The following EYS variants were observed in gnomAD, a reference collection of about 807,000 sequenced individuals.
EYS encodes the protein EGF-like photoreceptor maintenance factor.
Under a neutral mutation model 282.1 loss-of-function variants are expected in EYS, and 250 were observed. The ratio of observed to expected loss-of-function variants is 0.89; its 90% confidence interval spans 0.80 to 0.98. The LOEUF (loss-of-function observed/expected upper bound fraction) is 0.98. EYS is among the 50% of genes least tolerant of loss of function. The probability of loss-of-function intolerance (pLI) is 0.00; values close to 1 mark genes in which losing one functional copy is unlikely to be tolerated. For synonymous variants in EYS, 1,355 were observed against 1,282.9 expected (o/e 1.06, Z -1.20); for missense variants, 4,016 against 3,709.0 (o/e 1.08, Z -2.15).
At chr6:65,453,990 G>T (rs1275565459) in intron 5 of EYS, among the ~76,000 whole-genome samples, 2 of 151,558 alleles carry the variant, frequency 1.3e-5, no homozygotes, top group Non-Finnish European at 2.9e-5. Flanking sequence ...TAATAAGTAT[G>T]AAAGTGCAGA....
intron 12 of EYS, among the ~76,000 whole-genome samples, chr6:65,119,040 A>C (rs1775455308): frequency 6.6e-6 from 1 of 152,176 alleles, no homozygotes; most frequent in Non-Finnish European, 1.5e-5. Flanking sequence ...AAGCAAAAGG[A>C]ATAATGGAAA....
intron 26 of EYS, among the ~76,000 whole-genome samples, chr6:64,496,361 A>G (rs1776889832): frequency 1.6e-5 from 2 of 126,692 alleles, no homozygotes; most frequent in Admixed American, 1.5e-4. Context: ...CTTGACTTTC[A>G]TTTAGTTGTC....
At chr6:65,396,443 C>A (rs77472534) in intron 7 of EYS, among the ~76,000 whole-genome samples, 1 of 152,094 alleles carries the variant, frequency 6.6e-6, no homozygotes, top group Admixed American at 6.6e-5. Context: ...TGTCTGTCAT[C>A]CCCATCATAC....
chr6:63,986,466 C>A (rs149475247), intron 34 of EYS, among the ~76,000 whole-genome samples: 1 of 151,602 alleles, frequency 6.6e-6, no homozygotes, highest in Non-Finnish European at 1.5e-5. Context: ...TAAAGACACA[C>A]GCACCTGAAT....
intron 22 of EYS, among the ~76,000 whole-genome samples, chr6:64,710,868 C>A (rs1342458929): frequency 6.6e-6 from 1 of 152,168 alleles, no homozygotes. Flanking sequence ...ATGGTCAGGA[C>A]AACTTATTTT....
chr6:64,519,018 A>G (rs1167330616), intron 26 of EYS, among the ~76,000 whole-genome samples: 1 of 151,814 alleles, frequency 6.6e-6, no homozygotes, highest in African/African-American at 2.4e-5. Flanking sequence ...GGAGAAAATA[A>G]AACCAGAAGC....
intron 29 of EYS, among the ~76,000 whole-genome samples, chr6:64,372,185 C>CTTTTTTTTTTT (rs1772402893): frequency 8.2e-6 from 1 of 122,176 alleles, no homozygotes; most frequent in South Asian, 2.5e-4. Flanking sequence ...TGGTCTTTTC[C>CTTTTTTTTTTT]TTTCCATATT....
chr6:64,597,073 T>C (rs981025441), intron 24 of EYS, among the ~76,000 whole-genome samples: 4 of 152,078 alleles, frequency 2.6e-5, no homozygotes, highest in African/African-American at 9.7e-5. Flanking sequence ...GGCATTTTTT[T>C]CAAAAGAAGA....
chr6:63,795,042 G>A (rs952049348), intron 37 of EYS, among the ~76,000 whole-genome samples: 2 of 152,146 alleles, frequency 1.3e-5, no homozygotes, highest in East Asian at 3.8e-4. Context: ...CAAGATCTGG[G>A]AAGTGAATAA....
intron 30 of EYS, among the ~76,000 whole-genome samples, chr6:64,277,957 T>A (rs1218734684): frequency 6.6e-6 from 1 of 152,170 alleles, no homozygotes; most frequent in African/African-American, 2.4e-5. Context: ...AGAAATCATA[T>A]AATTTAAAAT....
At chr6:65,004,606 C>T (rs1280708856) in intron 13 of EYS, among the ~76,000 whole-genome samples, 1 of 147,742 alleles carries the variant, frequency 6.8e-6, no homozygotes, top group African/African-American at 2.4e-5. Context: ...CAGCTCCATT[C>T]TCACAAGAAT....
chr6:64,685,562 C>T (rs1770064671), intron 22 of EYS, among the ~76,000 whole-genome samples: 2 of 152,154 alleles, frequency 1.3e-5, no homozygotes, highest in African/African-American at 4.8e-5. Flanking sequence ...CTCTCTCTTG[C>T]TTCCTCTCTT....
chr6:65,505,164 A>G (rs1238905161), intron 2 of EYS, among the ~76,000 whole-genome samples: 1 of 151,858 alleles, frequency 6.6e-6, no homozygotes. Context: ...TGTCTATTTT[A>G]TCAACATTTT....
In EYS at chr6:63,720,987, T is replaced by TTATA. The variant is rs1463096695; in HGVS notation, c.9043_9044insTATA (p.Asn3015IlefsTer2). 1 of 1,551,340 alleles carries TTATA rather than the reference T, an allele frequency of 6.4e-7. No homozygotes were observed. The highest frequency in any genetic ancestry group is 2.4e-5 in the East Asian group (1 of 40,896). On this transcript the variant is annotated stop_gained and frameshift_variant, in exon 43 of 43. Coordinates refer to ENST00000503581, the MANE Select transcript of EYS (RefSeq NM_001142800.2). LOFTEE classifies it high-confidence loss of function. ...GTTAACTGCTATTTTCAAGGTCTGA[T>TTATA]TATGGAGACCAATTGCCAGAAAATC...
chr6:64,098,884 T>A (rs1772729181), intron 31 of EYS, among the ~76,000 whole-genome samples: 1 of 152,180 alleles, frequency 6.6e-6, no homozygotes, highest in South Asian at 2.1e-4. Flanking sequence ...ATTACAAGCA[T>A]GAGCCACTGC....
chr6:63,988,156 C>T (rs1767451626), intron 34 of EYS, among the ~76,000 whole-genome samples: 1 of 151,620 alleles, frequency 6.6e-6, no homozygotes, highest in South Asian at 2.1e-4. Flanking sequence ...ATTCTACAAA[C>T]TATTAGCAGA....
At chr6:64,170,672 C>A (rs767263267) in intron 31 of EYS, among the ~76,000 whole-genome samples, 3 of 150,488 alleles carry the variant, frequency 2.0e-5, no homozygotes, top group African/African-American at 2.5e-5. Context: ...ATTATCTACA[C>A]TTTCTTACAT....
At chr6:65,157,825 C>A (rs1043668163) in intron 12 of EYS, among the ~76,000 whole-genome samples, 35 of 150,208 alleles carry the variant, frequency 2.3e-4, no homozygotes, top group African/African-American at 8.2e-4. Flanking sequence ...AACATGTTTT[C>A]TTTGATATAA....
At chr6:63,832,616 C>T (rs1771676081) in intron 36 of EYS, among the ~76,000 whole-genome samples, 1 of 152,174 alleles carries the variant, frequency 6.6e-6, no homozygotes. Context: ...GACGGATTCA[C>T]AGCCTAATTC....
Sources: allele counts gnomAD v4.1 joint callset (sites outside exome capture counted in the v4.1 genomes callset), GRCh38; gene constraint gnomAD v4.1.1; transcripts MANE v1.5; gene names NCBI Gene and HGNC (gene_info 2026-07-23, HGNC 2026-07-21).